Variants in PERM1 observed in about 807,000 individuals in gnomAD.
The protein encoded by PERM1 is PPARGC1 and ESRR induced regulator, muscle 1, also known as PGC-1 and ERR-induced regulator in muscle protein 1.
Under a neutral mutation model 44.1 loss-of-function variants are expected in PERM1, and 45 were observed. The observed-to-expected ratio is 1.02, with a 90% CI of 0.80 to 1.31. PERM1 has a LOEUF of 1.31. Among genes scored for constraint, PERM1 ranks in the 50% most tolerant of loss-of-function variants. PERM1 has a pLI of 0.00. For missense variants in PERM1, 1,189 were observed against 1,106.9 expected (o/e 1.07, Z -1.05); for synonymous variants, 565 against 477.1 (o/e 1.18, Z -2.40).
At chr1:979,623 C>G (rs1643731077) in exon 1 of PERM1, 1 of 1,550,256 alleles carries the variant, frequency 6.5e-7, no homozygotes, top group East Asian at 2.4e-5. Flanking sequence ...CCATCTCCAC[C>G]ACATCAGGCC....
rs1015624338 is a variant in PERM1 at position 976,675 on chromosome 1, C to T, written c.2150-51G>A. The stretch of plus-strand genomic sequence containing the variant: ...CCACGGCTGCACTCAGAGATGGCCC[C>T]GCACACGCCCGCCCCGGGAACCGCC... On this transcript the variant is annotated intron_variant, in intron 1 of 2. Transcript: ENST00000433179. The T allele has an allele frequency of 1.4e-5, 22 of 1,542,848 alleles. No individual in the cohort carries two copies. In the African/African-American group the frequency reaches 1.7e-4, roughly 12 times the overall value.
exon 1 of PERM1, chr1:979,489 T>A: frequency 6.5e-7 from 1 of 1,547,740 alleles, no homozygotes. Flanking sequence ...GCCTGGCTTA[T>A]TGGGGCTGGG....
At chr1:981,970 C>G (rs1291711407), upstream of PERM1, 1 of 1,098,236 alleles carries the variant, frequency 9.1e-7, no homozygotes, top group East Asian at 6.0e-5. Flanking sequence ...ACCCACTGAC[C>G]TTCGCCCTCC....
exon 1 of PERM1, chr1:980,387 C>T (rs1256379370): frequency 6.5e-7 from 1 of 1,550,070 alleles, no homozygotes; most frequent in Non-Finnish European, 8.7e-7. Flanking sequence ...TTTGCCGTCT[C>T]AGGACTGGCC....
At chr1:976,614 C>A in exon 2 of PERM1, 3 of 1,549,376 alleles carry the variant, frequency 1.9e-6, no homozygotes, top group Non-Finnish European at 1.7e-6. Context: ...GGACAGGCCC[C>A]CGGAGCTCCC....
exon 1 of PERM1, chr1:978,916 A>G: frequency 1.3e-6 from 2 of 1,504,672 alleles, no homozygotes; most frequent in Non-Finnish European, 1.8e-6. Flanking sequence ...CCGCTCTACC[A>G]CGGCTGGCTT....
upstream of PERM1, chr1:981,137 C>T (rs1232823908): frequency 1.3e-6 from 2 of 1,548,976 alleles, no homozygotes; most frequent in South Asian, 2.4e-5. Flanking sequence ...CCCACGAGAC[C>T]TGGGAGCTCC....
At chr1:980,587 C>G in exon 1 of PERM1, 1 of 1,453,698 alleles carries the variant, frequency 6.9e-7, no homozygotes, top group Non-Finnish European at 9.1e-7. Flanking sequence ...ACCAGGGGGC[C>G]GTGGGGCAGG....
At chr1:978,846 G>A in intron 1 of PERM1, 35 bp downstream of exon 2, 1 of 1,441,756 alleles carries the variant, frequency 6.9e-7, no homozygotes, top group Non-Finnish European at 9.2e-7. Flanking sequence ...GTGTGCCTGG[G>A]ATCTGGACGG....
At chr1:978,604 C>T (rs557000797) in intron 1 of PERM1, among the ~76,000 whole-genome samples, 15 of 152,334 alleles carry the variant, frequency 9.8e-5, no homozygotes, top group African/African-American at 3.6e-4. Flanking sequence ...TGGGCGGGAA[C>T]CCTGCCAGAG....
chr1:978,877 G>C lies in PERM1; in HGVS notation c.2149+4C>G, dbSNP rs1255357753. Reference sequence around the variant, plus strand: ...GACGGGCTGTGGGATCCGAGAGCACGTACCTGCCCGTCTAAGAGCCAGGTG... The same window carrying C: ...GACGGGCTGTGGGATCCGAGAGCACCTACCTGCCCGTCTAAGAGCCAGGTG... On this transcript the variant is annotated splice_donor_region_variant and intron_variant, in intron 1 of 2. Coordinates refer to ENST00000433179, the Ensembl canonical transcript of PERM1. 4 of 1,476,618 alleles carry C rather than the reference G, an allele frequency of 2.7e-6. No individual in the cohort carries two copies. The highest frequency in any genetic ancestry group is 3.6e-6 in the Non-Finnish European group (4 of 1,109,948). 91.5% of individuals were successfully genotyped at this position (1,476,618 alleles called of 1,614,324 possible). A position where few individuals can be genotyped will look rare whatever the true frequency, so the allele number is the denominator to read the frequency against.
exon 1 of PERM1, chr1:979,513 A>G (rs1418372486): frequency 6.5e-7 from 1 of 1,549,912 alleles, no homozygotes; most frequent in Admixed American, 2.0e-5. Flanking sequence ...AGCCACGGAG[A>G]AGCGCACTTT....
chr1:979,163 C>G, exon 1 of PERM1: 2 of 1,550,078 alleles, frequency 1.3e-6, no homozygotes, highest in Non-Finnish European at 1.7e-6. Flanking sequence ...TGGGCTCCAA[C>G]GTCTGGGAAG....
chr1:978,557 G>A (rs1643689758), intron 1 of PERM1, among the ~76,000 whole-genome samples: 1 of 152,268 alleles, frequency 6.6e-6, no homozygotes. Context: ...TGTGAGATGG[G>A]CCTCGTAGAG....
At chr1:978,218 C>T (rs898425229) in intron 1 of PERM1, among the ~76,000 whole-genome samples, 3 of 143,500 alleles carry the variant, frequency 2.1e-5, no homozygotes, top group African/African-American at 7.8e-5. Flanking sequence ...ACTGCCTGCC[C>T]CGCACACGCC....
exon 3 of PERM1, chr1:976,052 C>T (rs1240626475): frequency 1.0e-6 from 1 of 1,000,480 alleles, no homozygotes. Context: ...GGACACGCCC[C>T]CCTCCTGGAC....
exon 1 of PERM1, chr1:979,232 C>A: frequency 6.5e-7 from 1 of 1,550,132 alleles, no homozygotes; most frequent in Non-Finnish European, 8.7e-7. Flanking sequence ...GCCGCTGCCG[C>A]CTCAGCCTCT....
chr1:976,384 G>A, intron 2 of PERM1, 115 bp from the exon 4 acceptor site: 1 of 1,508,794 alleles, frequency 6.6e-7, no homozygotes, highest in Non-Finnish European at 8.9e-7. Flanking sequence ...CCGCAGCTCA[G>A]CCTGGGGGGA....
At chr1:981,593 G>A (rs932359077), upstream of PERM1, among the ~76,000 whole-genome samples, 2 of 152,234 alleles carry the variant, frequency 1.3e-5, no homozygotes, top group Admixed American at 6.5e-5. Flanking sequence ...CCCAGCCCTC[G>A]GCGATGACCT....
Sources: allele counts gnomAD v4.1 joint callset (sites outside exome capture counted in the v4.1 genomes callset), GRCh38; gene constraint gnomAD v4.1.1; transcripts MANE v1.5; gene names NCBI Gene and HGNC (gene_info 2026-07-23, HGNC 2026-07-21).